The following EFHD1 variants were observed in gnomAD, a reference collection of about 807,000 sequenced individuals.
EFHD1 encodes EF-hand domain family member D1.
Under a neutral mutation model 17.2 loss-of-function variants are expected in EFHD1, and 10 were observed. The ratio of observed to expected loss-of-function variants is 0.58; its 90% CI spans 0.36 to 0.99. The LOEUF is 0.99. EFHD1 is among the 50% of genes least tolerant of loss of function. EFHD1 has a pLI of 0.01. For synonymous variants in EFHD1, 153 were observed against 142.0 expected (o/e 1.08, Z -0.55); for missense variants, 310 against 327.5 (o/e 0.95, Z 0.41).
intron 1 of EFHD1, among the ~76,000 whole-genome samples, chr2:232,622,137 G>A (rs1237148620): frequency 2.6e-5 from 4 of 152,148 alleles, no homozygotes; most frequent in East Asian, 3.9e-4. Context: ...CCACTACCAC[G>A]GAATTCCTGC....
chr2:232,633,620 T>G lies in EFHD1; in HGVS notation c.-85T>G, dbSNP rs1432571502. On this transcript the variant is annotated 5_prime_UTR_variant, in exon 1 of 4. Transcript: ENST00000264059. Reference sequence around the variant, plus strand: ...CGCCTCGGCGGAGTGTTGTAGAGCCTCGAGCCTGCGAGGAGCGCGCCGCCC... The same window carrying G: ...CGCCTCGGCGGAGTGTTGTAGAGCCGCGAGCCTGCGAGGAGCGCGCCGCCC... 2 of 1,343,074 alleles carry G rather than the reference T, an allele frequency of 1.5e-6. No homozygotes were observed. The highest frequency in any genetic ancestry group is 6.3e-5 in the East Asian group (2 of 31,744). The allele number at this position is 1,343,074 out of a possible 1,614,324, so 83.2% of individuals were successfully genotyped here.
rs569120803 is a variant in EFHD1 at position 232,677,243 on chromosome 2, T to TACACACACACACACACACACAC, written c.586-4331_586-4330insCACACACACACACACACACACA. 1.8e-3 allele frequency among the ~76,000 whole-genome samples: 176 copies of TACACACACACACACACACACAC among 99,204 alleles called. 1 individual carries two copies. Among genetic ancestry groups the TACACACACACACACACACACAC allele is most frequent in the East Asian group, 6.1e-3 (21 of 3,438 alleles). 65.1% of individuals were successfully genotyped at this position (99,204 alleles called of 152,430 possible). A position where few individuals can be genotyped will look rare whatever the true frequency, so the allele number is the denominator to read the frequency against. On this transcript the variant is annotated intron_variant, in intron 3 of 3. Coordinates refer to ENST00000264059, the MANE Select transcript of EFHD1 (RefSeq NM_025202.4). ...ACACACACACACACACACACACACG[T>TACACACACACACACACACACAC]ACACACACACATCTTTCTATAACAC...
chr2:232,606,405 G>A (rs1256902221), intron 1 of EFHD1, among the ~76,000 whole-genome samples: 1 of 152,148 alleles, frequency 6.6e-6, no homozygotes, highest in Non-Finnish European at 1.5e-5. Context: ...AAACTCTTGA[G>A]AGACACCCCA....
chr2:232,627,993 C>A (rs148515159), intron 1 of EFHD1, among the ~76,000 whole-genome samples: 1 of 152,024 alleles, frequency 6.6e-6, no homozygotes, highest in South Asian at 2.1e-4. Flanking sequence ...TAATGAGGCA[C>A]GGCAGGAAGA....
intron 1 of EFHD1, among the ~76,000 whole-genome samples, chr2:232,638,883 G>A (rs967295320): frequency 6.6e-5 from 10 of 152,126 alleles, no homozygotes; most frequent in African/African-American, 2.4e-4. Context: ...TTTTGAATTG[G>A]GGGGTAGGGT....
In EFHD1 at chr2:232,681,614, T is replaced by C; in HGVS notation, c.615T>C (p.Phe205=). 3 of 1,614,182 alleles carry C rather than the reference T, an allele frequency of 1.9e-6. No individual in the cohort carries two copies. The highest frequency in any genetic ancestry group is 2.5e-6 in the Non-Finnish European group (3 of 1,180,010). The change falls in exon 4 of 4, where the codon TTT becomes TTC. Residue 205 remains phenylalanine, a synonymous_variant. Transcript: ENST00000264059. ...KVQALSSASK[F]EAELKAEQDE... ...AAGCCTTGTCATCGGCCAGTAAGTT[T>C]GAAGCAGAGTTGAAAGCTGAGCAAG...
intron 1 of EFHD1, among the ~76,000 whole-genome samples, chr2:232,651,828 C>CAA (rs1196821859): frequency 3.3e-5 from 5 of 151,984 alleles, no homozygotes; most frequent in African/African-American, 7.2e-5. Flanking sequence ...TCTCAAAAAA[C>CAA]AAACAAAACA....
At chr2:232,635,824 G>GAA (rs35020517) in intron 1 of EFHD1, among the ~76,000 whole-genome samples, 6 of 145,930 alleles carry the variant, frequency 4.1e-5, no homozygotes, top group African/African-American at 1.5e-4. Flanking sequence ...GTCTCAAGGG[G>GAA]AAAAAAAAAA....
chr2:232,672,771 G>C (rs1237268861), intron 3 of EFHD1, among the ~76,000 whole-genome samples: 1 of 152,190 alleles, frequency 6.6e-6, no homozygotes, highest in Admixed American at 6.5e-5. Context: ...CCCTTCATAG[G>C]TGGTATGGGC....
chr2:232,610,079 A>G (rs1693783917), intron 1 of EFHD1, among the ~76,000 whole-genome samples: 1 of 152,246 alleles, frequency 6.6e-6, no homozygotes, highest in Non-Finnish European at 1.5e-5. Flanking sequence ...GTCCCGCCAC[A>G]TACCAGGAGG....
At chr2:232,654,343 G>A (rs568598612) in intron 1 of EFHD1, among the ~76,000 whole-genome samples, 1 of 151,512 alleles carries the variant, frequency 6.6e-6, no homozygotes, top group Non-Finnish European at 1.5e-5. Context: ...TGAAAGGAAG[G>A]TTTCCCAAGT....
At chr2:232,671,214 C>T (rs1312505946) in intron 2 of EFHD1, among the ~76,000 whole-genome samples, 4 of 151,760 alleles carry the variant, frequency 2.6e-5, no homozygotes, top group African/African-American at 9.7e-5. Flanking sequence ...GCAGGAGGAT[C>T]ACTTGAGACC....
intron 1 of EFHD1, among the ~76,000 whole-genome samples, chr2:232,623,776 C>G (rs964085963): frequency 3.3e-5 from 5 of 151,866 alleles, no homozygotes; most frequent in Admixed American, 2.0e-4. Flanking sequence ...GCGCTGTCTT[C>G]GACCAGTCCT....
upstream of EFHD1, chr2:232,633,560 C>G: frequency 7.8e-7 from 1 of 1,287,654 alleles, no homozygotes. Flanking sequence ...GCCCGCCAGT[C>G]CGTCCTCAGA....
upstream of EFHD1, among the ~76,000 whole-genome samples, chr2:232,631,613 A>G (rs1470095584): frequency 6.7e-6 from 1 of 150,004 alleles, no homozygotes; most frequent in East Asian, 2.0e-4. Flanking sequence ...GCCCAGCCCC[A>G]GAGTTTCTTG....
chr2:232,613,392 C>T (rs1401209913), intron 1 of EFHD1, among the ~76,000 whole-genome samples: 2 of 152,106 alleles, frequency 1.3e-5, no homozygotes, highest in African/African-American at 4.8e-5. Flanking sequence ...CCCCTGCACT[C>T]CAGCCTGGGC....
intron 1 of EFHD1, among the ~76,000 whole-genome samples, chr2:232,636,600 C>T (rs921304710): frequency 7.9e-5 from 12 of 151,916 alleles, no homozygotes; most frequent in African/African-American, 2.2e-4. Context: ...CTGAGGCAGG[C>T]GGATCATGAG....
intron 1 of EFHD1, among the ~76,000 whole-genome samples, chr2:232,611,214 T>C (rs961299582): frequency 6.6e-6 from 1 of 151,884 alleles, no homozygotes; most frequent in African/African-American, 2.4e-5. Context: ...TGAGAGTTCC[T>C]CCCACCTAGG....
intron 3 of EFHD1, among the ~76,000 whole-genome samples, chr2:232,679,376 G>T (rs1695233965): frequency 1.3e-5 from 2 of 151,910 alleles, no homozygotes; most frequent in Admixed American, 6.6e-5. Context: ...TATTTATGAG[G>T]AAAGCAAATA....
Sources: gnomAD v4.1 joint callset for allele counts (sites outside exome capture counted in the v4.1 genomes callset) on GRCh38, gnomAD v4.1.1 for gene constraint, MANE v1.5 for transcripts, NCBI Gene and HGNC (gene_info 2026-07-23, HGNC 2026-07-21) for gene names.